Variants in PIN4 observed in about 807,000 individuals in gnomAD.
The protein encoded by PIN4 is peptidylprolyl cis/trans isomerase, NIMA-interacting 4, also known as peptidyl-prolyl cis-trans isomerase NIMA-interacting 4.
In PIN4, 3 loss-of-function variants were observed where a neutral mutation model predicts 8.3. That is an observed-to-expected ratio of 0.36 (90% CI 0.16 to 0.93). The LOEUF (loss-of-function observed/expected upper bound fraction) is 0.93, where lower values mean the gene tolerates loss of function less well. PIN4 is among the 40% of genes least tolerant of loss of function. The pLI is 0.44. For synonymous variants in PIN4, 18 were observed against 32.5 expected, an observed-to-expected ratio of 0.55 and a Z score of 1.52; for missense variants, 75 against 100.6, an observed-to-expected ratio of 0.75 and a Z score of 1.09.
intron 2 of PIN4, among the ~76,000 whole-genome samples, chrX:72,189,875 G>A (rs1026064586): frequency 1.4e-4 from 16 of 111,055 alleles, no homozygotes; most frequent in African/African-American, 4.9e-4. Context: ...GGCACCAGTC[G>A]GTGAGGGACC....
At chrX:72,220,234 G>C (rs2042915134) in intron 3 of PIN4, among the ~76,000 whole-genome samples, 2 of 110,475 alleles carry the variant, frequency 1.8e-5, no homozygotes, top group African/African-American at 6.6e-5. Flanking sequence ...CAAGAGGTCA[G>C]GACTAAAGAT....
chrX:72,249,962 G>C (rs1272205746), intron 3 of PIN4, among the ~76,000 whole-genome samples: 1 of 110,440 alleles, frequency 9.1e-6, no homozygotes, highest in Non-Finnish European at 1.9e-5. Context: ...TCTAAAGGTG[G>C]GGCCTGGGCA....
At chrX:72,224,028 A>G (rs2042940763) in intron 3 of PIN4, among the ~76,000 whole-genome samples, 2 of 111,086 alleles carry the variant, frequency 1.8e-5, no homozygotes, top group African/African-American at 6.6e-5. Context: ...AAATATCTTC[A>G]CTGCTGGTAC....
At chrX:72,188,484 A>G (rs2042715121) in intron 2 of PIN4, among the ~76,000 whole-genome samples, 1 of 109,854 alleles carries the variant, frequency 9.1e-6, no homozygotes, top group East Asian at 2.9e-4. Context: ...CAGCCTCCCA[A>G]GTATCTGGGA....
At position 72,198,235 on chromosome X, in the gene PIN4, T is replaced by A. The variant is rs929186001; in HGVS notation, c.*709T>A. 1.3e-6 allele frequency: 1 copy of A among 741,628 alleles called. No homozygotes were observed. 61.1% of individuals were successfully genotyped at this position (741,628 alleles called of 1,213,427 possible). On this transcript the variant is annotated 3_prime_UTR_variant, in exon 4 of 4. Coordinates refer to ENST00000373669, the MANE Select transcript of PIN4 (RefSeq NM_006223.4). ...CTTTCCAGGGCCAATGTTCTGTGCA[T>A]CTAAATTTTTAAAATTTAAAATGCC...
At chrX:72,244,612 C>T (rs1569492964) in intron 3 of PIN4, among the ~76,000 whole-genome samples, 1 of 111,705 alleles carries the variant, frequency 9.0e-6, no homozygotes, top group Non-Finnish European at 1.9e-5. Flanking sequence ...GAACCTGTGA[C>T]AGAAACAGTA....
chrX:72,185,069 G>A (rs1053155498), intron 1 of PIN4, among the ~76,000 whole-genome samples: 6 of 100,808 alleles, frequency 6.0e-5, no homozygotes, highest in African/African-American at 1.8e-4. Context: ...GCATGAACCC[G>A]GGAGGCGGAG....
intron 3 of PIN4, chrX:72,208,817 A>T: frequency 1.7e-6 from 1 of 581,504 alleles, no homozygotes; most frequent in Non-Finnish European, 2.6e-6. Flanking sequence ...TCAATTCAGG[A>T]TGGGAAAGAT....
At chrX:72,186,584 G>A in intron 2 of PIN4, 50 bp downstream of exon 2, 1 of 803,221 alleles carries the variant, frequency 1.2e-6, no homozygotes, top group East Asian at 3.3e-5. Context: ...TTCTGTTTAT[G>A]TGTTAGTACA....
chrX:72,259,913 T>A (rs1360220072), intron 3 of PIN4, among the ~76,000 whole-genome samples: 1 of 107,655 alleles, frequency 9.3e-6, no homozygotes, highest in African/African-American at 3.4e-5. Flanking sequence ...TTTCTTTTTT[T>A]TTTTTAGTAT....
chrX:72,245,020 CAG>C (rs1223780751), intron 3 of PIN4, among the ~76,000 whole-genome samples: 2 of 78,718 alleles, frequency 2.5e-5, no homozygotes, highest in East Asian at 1.0e-3. Context: ...CTGCAGTAAG[CAG>C]AGTCACACCA....
chrX:72,228,169 C>A (rs890981500), intron 3 of PIN4, among the ~76,000 whole-genome samples: 1 of 112,312 alleles, frequency 8.9e-6, no homozygotes, highest in Non-Finnish European at 1.9e-5. Context: ...AGGGTGGAAG[C>A]GTCAGTTTAT....
At chrX:72,221,278 C>T (rs976342591) in intron 3 of PIN4, among the ~76,000 whole-genome samples, 1 of 112,045 alleles carries the variant, frequency 8.9e-6, no homozygotes, top group Non-Finnish European at 1.9e-5. Flanking sequence ...CAGCCAACTG[C>T]TAAGATCTGC....
rs866202913 is a variant in PIN4, at chrX:72,250,167, G to A, written c.313-12540G>A. Among the ~76,000 whole-genome samples, 5 of 109,767 alleles carry A rather than the reference G, an allele frequency of 4.6e-5. No homozygotes were observed. In the South Asian group the frequency reaches 1.2e-3, roughly 26 times the overall value. On this transcript the variant is annotated intron_variant, in intron 3 of 3. Coordinates refer to the PIN4 transcript ENST00000423432. ...AGGTAGGCAAGTGGGGATAGAAGGC[G>A]AGTGAGGGTAAGTGCATACCAATAT... is the stretch of plus-strand genomic sequence containing the variant.
Position 72,235,002 on chromosome X carries a change from A to C in PIN4, c.313-27705A>C, listed in dbSNP as rs745673451. Among the ~76,000 whole-genome samples the C allele has an allele frequency of 8.9e-5, 10 of 112,374 alleles. 1 individual carries two copies. In the South Asian group the frequency reaches 3.7e-3, roughly 41 times the overall value. Reference sequence around the variant, plus strand: ...ATGGATTTCAAGTAAGACCAGTCACATGATTGTTTCTTCAACCATGTTCAT... The same window carrying C: ...ATGGATTTCAAGTAAGACCAGTCACCTGATTGTTTCTTCAACCATGTTCAT... On this transcript the variant is annotated intron_variant, in intron 3 of 3. Transcript: ENST00000423432.
At position 72,205,220 on chromosome X, in the gene PIN4, C is replaced by G. The variant is rs1190654281; in HGVS notation, c.312+8316C>G. ...TCCTGGGGAGAACCAACCAACTGTTCACCAGACAAAGGCTCAGGGGCACCA... is the reference window on the plus strand; with the variant it reads ...TCCTGGGGAGAACCAACCAACTGTTGACCAGACAAAGGCTCAGGGGCACCA... On this transcript the variant is annotated intron_variant, in intron 3 of 3. Coordinates refer to the PIN4 transcript ENST00000423432. 1.7e-6 allele frequency: 2 copies of G among 1,211,779 alleles called. No homozygotes were observed. The highest frequency in any genetic ancestry group is 2.2e-5 in the Admixed American group (1 of 45,988).
intron 1 of PIN4, 110 bp downstream of exon 1, chrX:72,181,938 C>T (rs1448498397): frequency 3.2e-5 from 17 of 534,555 alleles, no homozygotes; most frequent in Non-Finnish European, 5.7e-5. Context: ...AGCCAGTGGC[C>T]CCACAGTGCT....
intron 3 of PIN4, among the ~76,000 whole-genome samples, chrX:72,252,493 C>A (rs1196270127): frequency 9.0e-6 from 1 of 110,775 alleles, no homozygotes; most frequent in Non-Finnish European, 1.9e-5. Context: ...AAGCAATTCT[C>A]CTGCCTCAGC....
At chrX:72,231,203 A>T (rs1235115770) in intron 3 of PIN4, among the ~76,000 whole-genome samples, 1 of 112,272 alleles carries the variant, frequency 8.9e-6, no homozygotes, top group African/African-American at 3.2e-5. Flanking sequence ...ATGGATTTTT[A>T]AAATGTGGTA....
Sources: gnomAD v4.1 joint callset for allele counts (sites outside exome capture counted in the v4.1 genomes callset) on GRCh38, gnomAD v4.1.1 for gene constraint, MANE v1.5 for transcripts, NCBI Gene and HGNC (gene_info 2026-07-23, HGNC 2026-07-21) for gene names.